LAMA1: variants seen among roughly 807,000 people sequenced by gnomAD.
LAMA1 encodes the protein laminin subunit alpha 1, also known as laminin subunit alpha-1.
Under a neutral mutation model 348.7 loss-of-function variants are expected in LAMA1, and 219 were observed. The observed-to-expected ratio is 0.63, with a 90% confidence interval of 0.56 to 0.70. The LOEUF (loss-of-function observed/expected upper bound fraction) is 0.70. LAMA1 is among the 30% of genes least tolerant of loss of function. The pLI is 0.00. For synonymous variants in LAMA1, 1,487 were observed against 1,491.0 expected, an observed-to-expected ratio of 1.00 and a Z score of 0.06; for missense variants, 3,744 against 3,888.0, an observed-to-expected ratio of 0.96 and a Z score of 0.99.
At chr18:7,038,461 G>GC in intron 11 of LAMA1, 2 of 374,986 alleles carry the variant, frequency 5.3e-6, no homozygotes, top group South Asian at 4.5e-5. Context: ...AATCCCCATG[G>GC]CCCCACGGCC....
chr18:6,994,713 A>C (rs2057773545), intron 34 of LAMA1, among the ~76,000 whole-genome samples: 1 of 96,352 alleles, frequency 1.0e-5, no homozygotes, highest in African/African-American at 3.0e-5. Context: ...AAAATTCATA[A>C]ATGAAAAAAC....
At chr18:7,084,419 C>A (rs968325536) in intron 1 of LAMA1, among the ~76,000 whole-genome samples, 1 of 152,102 alleles carries the variant, frequency 6.6e-6, no homozygotes, top group Non-Finnish European at 1.5e-5. Flanking sequence ...AGCTATGTGG[C>A]GTGACACAGT....
intron 51 of LAMA1, chr18:6,964,253 G>A (rs1387031291): frequency 1.8e-5 from 5 of 284,964 alleles, no homozygotes; most frequent in African/African-American, 2.2e-5. Context: ...AGGTTGAACC[G>A]TGTCCTCCCA....
intron 1 of LAMA1, among the ~76,000 whole-genome samples, chr18:7,098,466 A>G (rs2143814322): frequency 7.8e-6 from 1 of 127,712 alleles, no homozygotes; most frequent in East Asian, 2.5e-4. Flanking sequence ...CCGGCCGCCC[A>G]TCGTCTAAGA....
chr18:7,087,650 T>A (rs2058223029), intron 1 of LAMA1, among the ~76,000 whole-genome samples: 1 of 152,250 alleles, frequency 6.6e-6, no homozygotes, highest in African/African-American at 2.4e-5. Context: ...TATCAATATG[T>A]ATTTGGATTT....
At chr18:6,949,039 C>A in intron 59 of LAMA1, 62 bp downstream of exon 59, 1 of 1,600,812 alleles carries the variant, frequency 6.2e-7, no homozygotes, top group South Asian at 1.1e-5. Flanking sequence ...GAGGTATGCT[C>A]TTCTACAAAA....
intron 1 of LAMA1, among the ~76,000 whole-genome samples, chr18:7,092,392 G>A (rs986375475): frequency 6.6e-6 from 1 of 152,136 alleles, no homozygotes; most frequent in East Asian, 1.9e-4. Flanking sequence ...TTGGGAGGCC[G>A]AGGCAGGTGG....
At position 6,968,403 on chromosome 18, in the gene LAMA1, C is replaced by T. The variant is rs552463136; in HGVS notation, c.6900-2106G>A. ...GGCCCGGGCTTGGGATGCTGCTTCT[C>T]CAACTCTGGCCCCTTGCCACAGCCC... On this transcript the variant is annotated intron_variant, in intron 48 of 62. Coordinates refer to ENST00000389658, the MANE Select transcript of LAMA1 (RefSeq NM_005559.4). 2.0e-5 allele frequency among the ~76,000 whole-genome samples: 3 copies of T among 152,322 alleles called. No individual in the cohort carries two copies. The South Asian group carries it at 6.2e-4, about 32-fold the overall frequency.
intron 19 of LAMA1, among the ~76,000 whole-genome samples, chr18:7,020,973 T>C (rs907712291): frequency 6.6e-6 from 1 of 152,176 alleles, no homozygotes; most frequent in African/African-American, 2.4e-5. Context: ...ACCTCAACAC[T>C]GCACAGGAGA....
At chr18:7,079,925 C>T in intron 3 of LAMA1, 50 bp downstream of exon 3, 1 of 1,320,692 alleles carries the variant, frequency 7.6e-7, no homozygotes, top group Non-Finnish European at 1.1e-6. Context: ...ATCAGAAGAC[C>T]ACAGCTCAGC....
At chr18:7,095,752 G>GA (rs1175177315) in intron 1 of LAMA1, among the ~76,000 whole-genome samples, 2 of 152,224 alleles carry the variant, frequency 1.3e-5, no homozygotes, top group East Asian at 1.9e-4. Flanking sequence ...GACTAAAGGT[G>GA]AAAATCCAGT....
At chr18:7,013,146 G>A (rs959299138) in intron 23 of LAMA1, among the ~76,000 whole-genome samples, 2 of 151,890 alleles carry the variant, frequency 1.3e-5, no homozygotes, top group African/African-American at 2.4e-5. Context: ...GAGAGACAGA[G>A]CAAGACTCTG....
chr18:7,044,275 A>C (rs897249904), intron 7 of LAMA1, among the ~76,000 whole-genome samples: 1 of 152,122 alleles, frequency 6.6e-6, no homozygotes, highest in African/African-American at 2.4e-5. Context: ...CGTTATATGC[A>C]TAACAATTTT....
rs146520626 is a variant in LAMA1, at chr18:6,975,232, C to T, written c.6490-196G>A. On this transcript the variant is annotated intron_variant, in intron 45 of 62. Coordinates refer to ENST00000389658, the MANE Select transcript of LAMA1 (RefSeq NM_005559.4). ...GGAGCTGGGGCATGACTCACAGCCC[C>T]GGGGACATTAGCGCCTCCCTGCGTG... Among the ~76,000 whole-genome samples, 137 of 152,284 alleles carry T rather than the reference C, an allele frequency of 9.0e-4. No homozygotes were observed. In the Middle Eastern group the frequency reaches 0.01, roughly 11 times the overall value.
intron 3 of LAMA1, among the ~76,000 whole-genome samples, chr18:7,076,447 G>T: frequency 6.6e-6 from 1 of 152,110 alleles, no homozygotes; most frequent in East Asian, 1.9e-4. Flanking sequence ...GCTGAATTTG[G>T]TGTATAGGAA....
intron 19 of LAMA1, among the ~76,000 whole-genome samples, chr18:7,019,639 G>T (rs2057906166): frequency 2.1e-5 from 3 of 140,682 alleles, no homozygotes; most frequent in Middle Eastern, 7.9e-3. Context: ...GCTATTACTA[G>T]TTCTCTCTCT....
In LAMA1 at chr18:7,049,115, C is replaced by T. The variant is rs138908205; in HGVS notation, c.731G>A (p.Arg244Gln). The T allele has an allele frequency of 4.1e-5, 66 of 1,614,026 alleles. No homozygotes were observed. The African/African-American group carries it at 6.7e-4, about 16-fold the overall frequency. ...LNADLMTLSH[R>Q]EPKELDPIVT... ...AATAGGATCCAGTTCTTTAGGTTCC[C>T]GGTGGCTAAGGGTCATGAGATCTGC... The change falls in exon 5 of 63, where the codon CGG becomes CAG. Residue 244 changes from arginine (R) to glutamine (Q), a missense_variant. Around this residue, in one of 3 missense-constraint regions of LAMA1, gnomAD observed 1,529 missense variants for 1,689.4 expected, o/e 0.91. Transcript: ENST00000389658.
chr18:7,004,525 T>C (rs1352031485), intron 29 of LAMA1, among the ~76,000 whole-genome samples: 2 of 152,160 alleles, frequency 1.3e-5, no homozygotes, highest in Admixed American at 1.3e-4. Flanking sequence ...GCTAATTTTG[T>C]ATTTTTAGTA....
chr18:7,112,638 TACA>T (rs2058340379), intron 1 of LAMA1, among the ~76,000 whole-genome samples: 1 of 102,326 alleles, frequency 9.8e-6, no homozygotes, highest in East Asian at 4.9e-4. Flanking sequence ...TATATATATA[TACA>T]TTTTTTTTTT....
Sources: gnomAD v4.1 joint callset for allele counts (sites outside exome capture counted in the v4.1 genomes callset) on GRCh38, gnomAD v4.1.1 for gene constraint, gnomAD v4.1.1 regional missense constraint, MANE v1.5 for transcripts, NCBI Gene and HGNC (gene_info 2026-07-23, HGNC 2026-07-21) for gene names.